The following FYB2 variants were observed in gnomAD, a reference collection of about 807,000 sequenced individuals.
FYB2 encodes the protein FYN binding protein 2.
In FYB2, 103 loss-of-function variants were observed where a neutral mutation model predicts 94.1. That is an observed-to-expected ratio of 1.09 (90% CI 0.93 to 1.29). The LOEUF is 1.29. FYB2 is among the 50% of genes most tolerant of loss of function. The probability of loss-of-function intolerance (pLI) is 0.00; values close to 1 mark genes in which losing one functional copy is unlikely to be tolerated. For synonymous variants in FYB2, 293 were observed against 287.9 expected (o/e 1.02, Z -0.18); for missense variants, 896 against 841.5 (o/e 1.06, Z -0.80).
At chr1:56,774,560 A>G (rs1645831926) in intron 4 of FYB2, among the ~76,000 whole-genome samples, 1 of 152,174 alleles carries the variant, frequency 6.6e-6, no homozygotes, top group South Asian at 2.1e-4. Context: ...TATGTAATAT[A>G]TATTTTCATT....
intron 5 of FYB2, chr1:56,762,138 A>G (rs1645510835): frequency 6.6e-6 from 1 of 152,152 alleles, no homozygotes; most frequent in South Asian, 2.1e-4. Flanking sequence ...TATTATACTG[A>G]TAATTCTTAA....
chr1:56,769,942 T>C (rs777206521), intron 4 of FYB2, among the ~76,000 whole-genome samples: 2 of 152,024 alleles, frequency 1.3e-5, no homozygotes, highest in South Asian at 4.1e-4. Flanking sequence ...CCAAGGTAAA[T>C]GGATGGAAAA....
At chr1:56,768,199 A>G (rs938188014) in intron 4 of FYB2, among the ~76,000 whole-genome samples, 1 of 152,218 alleles carries the variant, frequency 6.6e-6, no homozygotes, top group Non-Finnish European at 1.5e-5. Flanking sequence ...CATACAGAGG[A>G]AATTCACAAT....
chr1:56,818,580 G>A (rs919396484), intron 1 of FYB2, among the ~76,000 whole-genome samples: 1 of 152,100 alleles, frequency 6.6e-6, no homozygotes, highest in Admixed American at 6.6e-5. Context: ...GAAAAAGGAA[G>A]ATGTGGTCAG....
chr1:56,768,562 A>T (rs1280480342), intron 4 of FYB2, among the ~76,000 whole-genome samples: 1 of 152,198 alleles, frequency 6.6e-6, no homozygotes, highest in Admixed American at 6.5e-5. Flanking sequence ...TTTAATAAAC[A>T]ATCTGCTCAT....
At chr1:56,784,242 G>C (rs1227586335) in intron 4 of FYB2, among the ~76,000 whole-genome samples, 1 of 152,018 alleles carries the variant, frequency 6.6e-6, no homozygotes, top group Non-Finnish European at 1.5e-5. Flanking sequence ...TTTTTTTTCT[G>C]TTTTAAGGTT....
At chr1:56,780,612 T>C (rs1325989490) in intron 4 of FYB2, among the ~76,000 whole-genome samples, 1 of 152,210 alleles carries the variant, frequency 6.6e-6, no homozygotes, top group East Asian at 1.9e-4. Context: ...AAGCACTTAC[T>C]GTACTTCATG....
chr1:56,748,409 G>T (rs912097996), intron 9 of FYB2, among the ~76,000 whole-genome samples: 6 of 151,912 alleles, frequency 3.9e-5, no homozygotes, highest in Non-Finnish European at 8.8e-5. Context: ...AATCCCTCTT[G>T]AGTTAATTTT....
intron 4 of FYB2, among the ~76,000 whole-genome samples, chr1:56,783,181 T>C (rs1437522802): frequency 6.6e-6 from 1 of 152,220 alleles, no homozygotes; most frequent in Non-Finnish European, 1.5e-5. Context: ...TTTCCATGCT[T>C]GATATAATTT....
intron 5 of FYB2, among the ~76,000 whole-genome samples, chr1:56,767,122 T>C (rs1264904623): frequency 6.6e-6 from 1 of 152,214 alleles, no homozygotes; most frequent in Non-Finnish European, 1.5e-5. Flanking sequence ...AGAACTACAG[T>C]ATCCTATAGT....
At chr1:56,790,061 T>C (rs1646225640) in intron 2 of FYB2, among the ~76,000 whole-genome samples, 3 of 152,186 alleles carry the variant, frequency 2.0e-5, no homozygotes, top group African/African-American at 7.2e-5. Flanking sequence ...CAATATTATA[T>C]ATGAAAATCA....
chr1:56,797,564 G>A (rs1646428382), intron 1 of FYB2, among the ~76,000 whole-genome samples: 1 of 152,098 alleles, frequency 6.6e-6, no homozygotes, highest in Non-Finnish European at 1.5e-5. Context: ...CCATAGCTTG[G>A]TAAATGAGGC....
intron 4 of FYB2, among the ~76,000 whole-genome samples, chr1:56,769,901 A>AT (rs879403206): frequency 2.6e-5 from 4 of 152,180 alleles, no homozygotes; most frequent in African/African-American, 9.6e-5. Context: ...GAATTGATAT[A>AT]TTTTTTAAAA....
chr1:56,744,642 T>C (rs192574192), intron 9 of FYB2, among the ~76,000 whole-genome samples: 192 of 152,102 alleles, frequency 1.3e-3, no homozygotes, highest in Middle Eastern at 3.4e-3. Context: ...TCTCTCTACA[T>C]CTAGATGATC....
At position 56,792,518 on chromosome 1, in the gene FYB2, T is replaced by C. The variant is rs1486084954; in HGVS notation, c.295A>G (p.Lys99Glu). 1 of 1,614,040 alleles carries C rather than the reference T, an allele frequency of 6.2e-7. No homozygotes were observed. The highest frequency in any genetic ancestry group is 2.2e-5 in the East Asian group (1 of 44,886). Residue 99 changes from lysine (K) to glutamate (E), a missense_variant, in exon 2 of 20, where the codon AAG becomes GAG. Transcript: ENST00000343433. ...CTTGTTGCAGAACATACAGTAGACT[T>C]TCCCAGAGGCCCTGGGGAGTTAGAA... Reference protein sequence around the residue: ...KCSNSPGPLGKSTVCSATSSQ... With the variant: ...KCSNSPGPLGESTVCSATSSQ...
In FYB2 at chr1:56,775,982, AG is replaced by A. The variant is rs765253887; in HGVS notation, c.954-8045del. ...ACATAATCCTCTCAGTAGCAGTATG[AG>A]GCATTCTACAGTTGAGGAAACTGAG... On this transcript the variant is annotated intron_variant, in intron 4 of 19. Transcript: ENST00000343433. 8.4e-4 allele frequency among the ~76,000 whole-genome samples: 128 copies of A among 152,178 alleles called. 2 individuals carry two copies. Among genetic ancestry groups the A allele is most frequent in the Non-Finnish European group, 9.3e-4 (63 of 68,030 alleles).
intron 8 of FYB2, among the ~76,000 whole-genome samples, chr1:56,752,431 G>A (rs1421589566): frequency 6.6e-6 from 1 of 152,046 alleles, no homozygotes; most frequent in Non-Finnish European, 1.5e-5. Context: ...GATTGACTAT[G>A]ATAATACATT....
At chr1:56,817,902 T>G (rs1412411567) in intron 1 of FYB2, among the ~76,000 whole-genome samples, 1 of 152,228 alleles carries the variant, frequency 6.6e-6, no homozygotes, top group Admixed American at 6.5e-5. Context: ...CACTGACACA[T>G]GTAAGCTCAT....
chr1:56,821,039 AG>A (rs914334781), upstream of FYB2, among the ~76,000 whole-genome samples: 26 of 152,188 alleles, frequency 1.7e-4, no homozygotes, highest in African/African-American at 5.3e-4. Flanking sequence ...CTGAAGCTAA[AG>A]GGGACCCAGG....
Sources: gnomAD v4.1 joint callset for allele counts (sites outside exome capture counted in the v4.1 genomes callset) on GRCh38, gnomAD v4.1.1 for gene constraint, MANE v1.5 for transcripts, NCBI Gene and HGNC (gene_info 2026-07-23, HGNC 2026-07-21) for gene names.